Variants in KLRG1 observed in about 807,000 individuals in gnomAD.
KLRG1 encodes the protein killer cell lectin like receptor G1.
In KLRG1, 16 loss-of-function variants were observed where a neutral mutation model predicts 21.8. The ratio of observed to expected loss-of-function variants is 0.73; its 90% CI spans 0.50 to 1.11. KLRG1 has a LOEUF of 1.11. Ranked by LOEUF, KLRG1 falls within the 50% of genes most tolerant of loss-of-function variation. The pLI, the probability that KLRG1 is intolerant of heterozygous loss-of-function variation, is 0.00. For missense variants in KLRG1, 173 were observed against 218.3 expected, an observed-to-expected ratio of 0.79 and a Z score of 1.31; for synonymous variants, 69 against 75.9, an observed-to-expected ratio of 0.91 and a Z score of 0.47.
chr12:9,110,676 A>C, the KLRG1 span, among the ~76,000 whole-genome samples: 2 of 151,992 alleles, frequency 1.3e-5, no homozygotes, highest in Non-Finnish European at 2.9e-5. Context: ...TGTAACCCAT[A>C]AATATATATA....
At chr12:9,163,141 T>C in the KLRG1 span, among the ~76,000 whole-genome samples, 1 of 151,892 alleles carries the variant, frequency 6.6e-6, no homozygotes, top group Non-Finnish European at 1.5e-5. Flanking sequence ...CTAATGGGTA[T>C]GAGAGATATG....
At chr12:9,122,682 A>T in the KLRG1 span, among the ~76,000 whole-genome samples, 1 of 152,170 alleles carries the variant, frequency 6.6e-6, no homozygotes, top group Non-Finnish European at 1.5e-5. Context: ...CACAATTTAC[A>T]GTAATATTAT....
the KLRG1 span, chr12:9,112,100 A>T: frequency 6.4e-7 from 1 of 1,568,126 alleles, no homozygotes. Context: ...CAGCACAAAA[A>T]ACAGGTTCCC....
chr12:8,993,053 T>C (rs182872067), intron 2 of KLRG1, among the ~76,000 whole-genome samples: 11 of 150,322 alleles, frequency 7.3e-5, no homozygotes, highest in Non-Finnish European at 1.5e-4. Context: ...ACATAATAGA[T>C]ATATCATAAT....
At chr12:9,044,373 A>T in the KLRG1 span, among the ~76,000 whole-genome samples, 1 of 152,234 alleles carries the variant, frequency 6.6e-6, no homozygotes, top group Non-Finnish European at 1.5e-5. Context: ...ACTCAAAAAA[A>T]GTACAAACAG....
chr12:9,003,294 A>C (rs1947360955), intron 3 of KLRG1, among the ~76,000 whole-genome samples: 1 of 152,134 alleles, frequency 6.6e-6, no homozygotes, highest in Admixed American at 6.5e-5. Context: ...TCTCATTATC[A>C]GTGGAGAAAT....
At chr12:9,056,676 G>T in the KLRG1 span, among the ~76,000 whole-genome samples, 1 of 152,044 alleles carries the variant, frequency 6.6e-6, no homozygotes, top group Non-Finnish European at 1.5e-5. Flanking sequence ...CTCCTGAGTA[G>T]CTGGGACTAC....
At chr12:9,117,088 G>A in the KLRG1 span, among the ~76,000 whole-genome samples, 3 of 152,134 alleles carry the variant, frequency 2.0e-5, no homozygotes, top group Non-Finnish European at 2.9e-5. Flanking sequence ...AGAACAAAGA[G>A]ATGAAAAGAG....
At chr12:9,182,829 C>T in the KLRG1 span, among the ~76,000 whole-genome samples, 5 of 152,146 alleles carry the variant, frequency 3.3e-5, no homozygotes, top group Admixed American at 1.3e-4. Flanking sequence ...TATAAAACCA[C>T]GAGAGACTTA....
chr12:8,980,871 TG>T (rs1465209878), intron 1 of KLRG1, among the ~76,000 whole-genome samples: 3 of 152,240 alleles, frequency 2.0e-5, no homozygotes, highest in African/African-American at 7.2e-5. Flanking sequence ...TGGCACAGGT[TG>T]CATGGGTTTT....
the KLRG1 span, among the ~76,000 whole-genome samples, chr12:9,032,564 TGAA>T: frequency 6.6e-6 from 1 of 152,150 alleles, no homozygotes; most frequent in South Asian, 2.1e-4. Context: ...GTAAAACTAA[TGAA>T]AGGCCACAGG....
At chr12:9,160,632 C>T in the KLRG1 span, 9 of 788,022 alleles carry the variant, frequency 1.1e-5, no homozygotes, top group Middle Eastern at 3.7e-4. Flanking sequence ...TTCCAGAATC[C>T]TAATAAGAAT....
the KLRG1 span, among the ~76,000 whole-genome samples, chr12:9,195,262 G>T: frequency 6.6e-6 from 1 of 151,962 alleles, no homozygotes; most frequent in Admixed American, 6.6e-5. Context: ...AAATACATTA[G>T]AAGATATTTG....
chr12:9,107,313 T>C, the KLRG1 span, among the ~76,000 whole-genome samples: 1 of 152,340 alleles, frequency 6.6e-6, no homozygotes, highest in Non-Finnish European at 1.5e-5. Flanking sequence ...TGGCTCAGTG[T>C]CTATCGTTCT....
At chr12:9,104,300 T>C in the KLRG1 span, 54 of 1,613,118 alleles carry the variant, frequency 3.3e-5, no homozygotes, top group Admixed American at 5.0e-5. Flanking sequence ...TACAAGGCCA[T>C]GCTCATCCGT....
At chr12:9,084,478 G>A in the KLRG1 span, among the ~76,000 whole-genome samples, 3 of 152,078 alleles carry the variant, frequency 2.0e-5, no homozygotes, top group Non-Finnish European at 4.4e-5. Flanking sequence ...AAGTTAAGTT[G>A]TTATCAGCTT....
the KLRG1 span, chr12:9,072,705 A>G: frequency 6.2e-7 from 1 of 1,614,174 alleles, no homozygotes; most frequent in Admixed American, 1.7e-5. Context: ...TTCCCCAGGC[A>G]GCTCTGGCAA....
chr12:9,187,804 C>G, the KLRG1 span, among the ~76,000 whole-genome samples: 1 of 152,224 alleles, frequency 6.6e-6, no homozygotes. Context: ...GTGATCCATG[C>G]TACACCCTAA....
At chr12:9,055,262 C>T in the KLRG1 span, among the ~76,000 whole-genome samples, 13 of 152,192 alleles carry the variant, frequency 8.5e-5, no homozygotes, top group Admixed American at 8.5e-4. Flanking sequence ...TCTAGACAGG[C>T]CAGTCATTTT....
Sources: gnomAD v4.1 joint callset for allele counts (sites outside exome capture counted in the v4.1 genomes callset) on GRCh38, gnomAD v4.1.1 for gene constraint, MANE v1.5 for transcripts, NCBI Gene and HGNC (gene_info 2026-07-23, HGNC 2026-07-21) for gene names.